DACH2: variants seen among roughly 807,000 people sequenced by gnomAD.
DACH2 encodes dachshund family transcription factor 2.
A neutral mutation model predicts 35.8 loss-of-function variants in DACH2; 17 were observed. The observed-to-expected ratio is 0.48, with a 90% confidence interval of 0.33 to 0.71. The LOEUF (loss-of-function observed/expected upper bound fraction) is 0.71. Among genes scored for constraint, DACH2 ranks in the 30% least tolerant of loss-of-function variants. The pLI is 0.02. For synonymous variants in DACH2, 195 were observed against 177.3 expected (o/e 1.10, Z -0.79); for missense variants, 469 against 472.7 (o/e 0.99, Z 0.07).
intron 1 of DACH2, among the ~76,000 whole-genome samples, chrX:86,343,423 G>A (rs1330002344): frequency 9.0e-6 from 1 of 111,578 alleles, no homozygotes; most frequent in Non-Finnish European, 1.9e-5. Flanking sequence ...GTATGTTTAT[G>A]ACATCAATAC....
At chrX:86,253,816 T>A (rs1342719813) in intron 1 of DACH2, among the ~76,000 whole-genome samples, 2 of 112,164 alleles carry the variant, frequency 1.8e-5, no homozygotes, top group Non-Finnish European at 3.8e-5. Context: ...CCCTATAAGT[T>A]ACCCAGACAT....
At chrX:86,757,684 T>C (rs775524199) in intron 7 of DACH2, among the ~76,000 whole-genome samples, 12 of 111,236 alleles carry the variant, frequency 1.1e-4, no homozygotes, top group Non-Finnish European at 2.3e-4. Flanking sequence ...TCTCACAAGA[T>C]CTAGTTGTTT....
rs186166379 is a variant in DACH2 at position 86,215,382 on chromosome X, G to C, written c.488+66274G>C. ...ATAGGCAATATTTTAAAAAAGCTAC[G>C]CAAGAGTTAGTTCATTTTCCAGTGT... On this transcript the variant is annotated intron_variant, in intron 1 of 11. Transcript: ENST00000373125. Among the ~76,000 whole-genome samples, 212 of 111,533 alleles carry C rather than the reference G, an allele frequency of 1.9e-3. 2 individuals carry two copies. In the East Asian group the frequency reaches 0.041, roughly 22 times the overall value.
chrX:86,307,722 G>A, intron 1 of DACH2, among the ~76,000 whole-genome samples: 1 of 111,219 alleles, frequency 9.0e-6, no homozygotes, highest in Non-Finnish European at 1.9e-5. Flanking sequence ...AAGTCATGGT[G>A]GGCCCCTAGA....
At chrX:86,203,621 T>G (rs746896332) in intron 1 of DACH2, among the ~76,000 whole-genome samples, 28 of 111,850 alleles carry the variant, frequency 2.5e-4, no homozygotes, top group Non-Finnish European at 4.9e-4. Flanking sequence ...CTGGTATATA[T>G]CCACAATGGT....
intron 1 of DACH2, among the ~76,000 whole-genome samples, chrX:86,296,173 A>T (rs1392519474): frequency 1.9e-5 from 2 of 106,499 alleles, no homozygotes; most frequent in African/African-American, 6.9e-5. Flanking sequence ...AGGTCAGGAG[A>T]TCGAGACCAT....
chrX:86,569,304 G>A (rs945006813), intron 3 of DACH2, among the ~76,000 whole-genome samples: 2 of 110,996 alleles, frequency 1.8e-5, no homozygotes, highest in African/African-American at 3.3e-5. Flanking sequence ...AATGCTGTAC[G>A]GATCTAATAG....
intron 5 of DACH2, among the ~76,000 whole-genome samples, chrX:86,696,428 A>G (rs1056738281): frequency 7.1e-5 from 8 of 112,378 alleles, no homozygotes; most frequent in African/African-American, 2.6e-4. Flanking sequence ...TTATGTTATG[A>G]AAAGTTAAAA....
intron 1 of DACH2, among the ~76,000 whole-genome samples, chrX:86,266,377 G>T (rs1002893495): frequency 8.9e-6 from 1 of 111,762 alleles, no homozygotes; most frequent in African/African-American, 3.2e-5. Flanking sequence ...TCAACAAAAT[G>T]ATTTAAAACA....
chrX:86,268,085 G>C (rs1463722092), intron 1 of DACH2, among the ~76,000 whole-genome samples: 2 of 111,903 alleles, frequency 1.8e-5, no homozygotes, highest in African/African-American at 6.5e-5. Flanking sequence ...GAAAACCTAA[G>C]CAAAAAATTT....
At chrX:86,569,412 T>C (rs947592927) in intron 3 of DACH2, among the ~76,000 whole-genome samples, 1 of 111,198 alleles carries the variant, frequency 9.0e-6, no homozygotes, top group African/African-American at 3.3e-5. Context: ...ATTTGCATTA[T>C]CAAAAACAAA....
chrX:86,398,351 A>G (rs1165261339), intron 2 of DACH2, among the ~76,000 whole-genome samples: 5 of 111,971 alleles, frequency 4.5e-5, no homozygotes, highest in African/African-American at 1.6e-4. Flanking sequence ...TCCTGGATTC[A>G]TTGATTTTTT....
At chrX:86,306,617 G>A (rs1321903012) in intron 1 of DACH2, among the ~76,000 whole-genome samples, 2 of 111,813 alleles carry the variant, frequency 1.8e-5, no homozygotes, top group Admixed American at 1.9e-4. Context: ...GACGACCCTA[G>A]CCTCCTAGCC....
At chrX:86,278,348 A>T (rs1187793679) in intron 1 of DACH2, among the ~76,000 whole-genome samples, 37 of 111,570 alleles carry the variant, frequency 3.3e-4, no homozygotes, top group Non-Finnish European at 3.8e-5. Context: ...TGTTTATCTG[A>T]CCTCTCACCA....
intron 2 of DACH2, among the ~76,000 whole-genome samples, chrX:86,508,695 A>G (rs1241437244): frequency 8.9e-6 from 1 of 112,395 alleles, no homozygotes; most frequent in Non-Finnish European, 1.9e-5. Flanking sequence ...ATTGTTAATT[A>G]TATGAAGGTC....
chrX:86,656,496 A>C (rs1404798727), intron 4 of DACH2, among the ~76,000 whole-genome samples: 4 of 110,223 alleles, frequency 3.6e-5, no homozygotes, highest in Non-Finnish European at 7.6e-5. Context: ...TGTTTGAATC[A>C]ATTTTCTAGT....
intron 3 of DACH2, among the ~76,000 whole-genome samples, chrX:86,572,906 C>T (rs1013902132): frequency 1.8e-5 from 2 of 111,482 alleles, no homozygotes; most frequent in Non-Finnish European, 3.8e-5. Flanking sequence ...CACTCTGTGC[C>T]CCATTACCAA....
intron 1 of DACH2, among the ~76,000 whole-genome samples, chrX:86,153,890 T>C (rs1219937785): frequency 2.7e-5 from 3 of 111,828 alleles, no homozygotes; most frequent in Admixed American, 1.9e-4. Flanking sequence ...AGGTGATGGT[T>C]ACTACATTAA....
chrX:86,541,663 T>C (rs2038883699), intron 3 of DACH2, among the ~76,000 whole-genome samples: 1 of 111,450 alleles, frequency 9.0e-6, no homozygotes, highest in African/African-American at 3.3e-5. Flanking sequence ...TCATTTGAGA[T>C]TATATTTAGG....
Sources: gnomAD v4.1 joint callset for allele counts (sites outside exome capture counted in the v4.1 genomes callset) on GRCh38, gnomAD v4.1.1 for gene constraint, MANE v1.5 for transcripts, NCBI Gene and HGNC (gene_info 2026-07-23, HGNC 2026-07-21) for gene names.